FBN2: variants seen among roughly 807,000 people sequenced by gnomAD.
FBN2 encodes fibrillin-2.
In FBN2, 105 loss-of-function variants were observed where a neutral mutation model predicts 355.6. That is an observed-to-expected ratio of 0.30 (90% CI 0.25 to 0.35). The LOEUF (loss-of-function observed/expected upper bound fraction) is 0.35, where lower values mean the gene tolerates loss of function less well. Among genes scored for constraint, FBN2 ranks in the 10% least tolerant of loss-of-function variants. The pLI, the probability that FBN2 is intolerant of heterozygous loss-of-function variation, is 1.00. For synonymous variants in FBN2, 1,350 were observed against 1,301.2 expected (o/e 1.04, Z -0.81); for missense variants, 3,280 against 3,758.7 (o/e 0.87, Z 3.33).
rs1422581225 is a variant in FBN2, at chr5:128,437,815, TAGATAGAC to T, written c.952+8658_952+8665del. Among the ~76,000 whole-genome samples the T allele has an allele frequency of 7.1e-4, 78 of 109,298 alleles. 1 individual carries two copies. The highest frequency in any genetic ancestry group is 2.2e-3 in the African/African-American group (58 of 26,244). 71.7% of individuals were successfully genotyped at this position (109,298 alleles called of 152,430 possible). A position where few individuals can be genotyped will look rare whatever the true frequency, so the allele number is the denominator to read the frequency against. On this transcript the variant is annotated intron_variant, in intron 7 of 64. Transcript: ENST00000262464. The stretch of plus-strand genomic sequence containing the variant: ...ATAGATAGATAGATAGATAGATAGA[TAGATAGAC>T]AGACAGACAGACAGAAAGACAGGAG...
intron 7 of FBN2, among the ~76,000 whole-genome samples, chr5:128,426,822 A>G (rs550041357): frequency 6.6e-6 from 1 of 152,276 alleles, no homozygotes; most frequent in South Asian, 2.1e-4. Flanking sequence ...CTAGGAACGA[A>G]GATCTTTCTT....
chr5:128,377,334 T>A (rs1752103973), intron 13 of FBN2, among the ~76,000 whole-genome samples: 1 of 152,180 alleles, frequency 6.6e-6, no homozygotes, highest in African/African-American at 2.4e-5. Flanking sequence ...GTACTGCATA[T>A]GTCAAACATT....
chr5:128,357,063 G>T (rs1477243687), intron 20 of FBN2, among the ~76,000 whole-genome samples: 1 of 152,086 alleles, frequency 6.6e-6, no homozygotes, highest in Non-Finnish European at 1.5e-5. Flanking sequence ...TTATATAAAA[G>T]GAAGATTTCT....
intron 4 of FBN2, among the ~76,000 whole-genome samples, chr5:128,524,635 T>C (rs1432836520): frequency 2.0e-5 from 3 of 152,154 alleles, no homozygotes; most frequent in Admixed American, 2.0e-4. Context: ...TTGAAAAATG[T>C]TCCATCTGCT....
intron 7 of FBN2, among the ~76,000 whole-genome samples, chr5:128,444,100 C>T: frequency 8.7e-6 from 1 of 114,614 alleles, no homozygotes; most frequent in Non-Finnish European, 1.6e-5. Context: ...GAGTCTCGCT[C>T]TGTCGCCCAG....
intron 21 of FBN2, among the ~76,000 whole-genome samples, chr5:128,350,227 T>C (rs1216276892): frequency 2.0e-5 from 3 of 152,226 alleles, no homozygotes; most frequent in Non-Finnish European, 2.9e-5. Flanking sequence ...TCATAATTTT[T>C]CCTACAATTT....
intron 23 of FBN2, among the ~76,000 whole-genome samples, chr5:128,348,356 AC>A (rs1417736443): frequency 2.0e-5 from 3 of 152,138 alleles, no homozygotes; most frequent in Admixed American, 2.0e-4. Flanking sequence ...AATCTGAAAG[AC>A]ATTTTCTTTA....
chr5:128,312,926 G>T, intron 36 of FBN2, 131 bp from the exon 37 acceptor site: 1 of 1,008,888 alleles, frequency 9.9e-7, no homozygotes, highest in Non-Finnish European at 1.6e-6. Flanking sequence ...TAATCCTTAA[G>T]TACCAAGCAA....
chr5:128,433,625 A>G (rs1426167312), intron 7 of FBN2, among the ~76,000 whole-genome samples: 1 of 152,214 alleles, frequency 6.6e-6, no homozygotes, highest in Non-Finnish European at 1.5e-5. Context: ...TTTACGCTTC[A>G]GATTAGCATC....
At chr5:128,426,991 C>T (rs547090363) in intron 7 of FBN2, among the ~76,000 whole-genome samples, 248 of 152,318 alleles carry the variant, frequency 1.6e-3, no homozygotes, top group African/African-American at 5.6e-3. Flanking sequence ...AGTCTCATGG[C>T]TTTAAAGACC....
chr5:128,332,097 T>G (rs897163319), intron 32 of FBN2, among the ~76,000 whole-genome samples: 1 of 152,200 alleles, frequency 6.6e-6, no homozygotes, highest in Non-Finnish European at 1.5e-5. Context: ...TATGAAATAT[T>G]TGAATGGATA....
intron 47 of FBN2, 35 bp from the exon 48 acceptor site, chr5:128,300,971 C>T: frequency 6.2e-7 from 1 of 1,601,220 alleles, no homozygotes; most frequent in Non-Finnish European, 8.5e-7. Context: ...ATAATTTAAG[C>T]ATGAGATAAT....
intron 39 of FBN2, 54 bp from the exon 40 acceptor site, chr5:128,310,162 T>C (rs889753164): frequency 1.4e-6 from 2 of 1,440,146 alleles, no homozygotes; most frequent in African/African-American, 2.8e-5. Context: ...TCAATGAATT[T>C]ATATTACTTA....
At chr5:128,473,527 G>A (rs1315579004) in intron 5 of FBN2, among the ~76,000 whole-genome samples, 1 of 152,154 alleles carries the variant, frequency 6.6e-6, no homozygotes, top group East Asian at 1.9e-4. Context: ...ACAAGTGAAA[G>A]TGAGATTCAC....
At chr5:128,436,666 T>TA (rs954029413) in intron 7 of FBN2, among the ~76,000 whole-genome samples, 14,133 of 137,922 alleles carry the variant, frequency 0.1, 942 homozygotes, top group Admixed American at 0.24. Context: ...TGGCTCCACT[T>TA]AAAAAAAAAA....
chr5:128,302,828 A>G lies in FBN2; in HGVS notation c.5917+145T>C, dbSNP rs1749756128. Reference sequence around the variant, plus strand: ...ATACTATGGTTTCAGTTAACTAGAAACCAGTCAATGAAATTATATATCTTT... The same window carrying G: ...ATACTATGGTTTCAGTTAACTAGAAGCCAGTCAATGAAATTATATATCTTT... On this transcript the variant is annotated intron_variant, in intron 46 of 64. Transcript: ENST00000262464. 7.5e-6 allele frequency: 5 copies of G among 663,336 alleles called. No homozygotes were observed. In the South Asian group the frequency reaches 8.8e-5, roughly 12 times the overall value. 41.1% of individuals were successfully genotyped at this position (663,336 alleles called of 1,614,324 possible).
At chr5:128,304,741 C>T (rs181061271) in intron 45 of FBN2, among the ~76,000 whole-genome samples, 20 of 152,198 alleles carry the variant, frequency 1.3e-4, no homozygotes, top group African/African-American at 4.3e-4. Context: ...ACGAACATAT[C>T]GCAGTATGTC....
At chr5:128,325,298 G>C (rs1023273523) in intron 34 of FBN2, among the ~76,000 whole-genome samples, 10 of 152,088 alleles carry the variant, frequency 6.6e-5, no homozygotes, top group Admixed American at 6.6e-4. Context: ...TCCTGTATTG[G>C]GTGCATATAT....
At chr5:128,361,001 T>G (rs1393563840) in intron 19 of FBN2, among the ~76,000 whole-genome samples, 1 of 152,172 alleles carries the variant, frequency 6.6e-6, no homozygotes, top group African/African-American at 2.4e-5. Context: ...CACAGATTAT[T>G]CTGAAATATA....
Sources: gnomAD v4.1 joint callset for allele counts (sites outside exome capture counted in the v4.1 genomes callset) on GRCh38, gnomAD v4.1.1 for gene constraint, MANE v1.5 for transcripts, NCBI Gene and HGNC (gene_info 2026-07-23, HGNC 2026-07-21) for gene names.